Variants in TGFB3 observed in about 807,000 individuals in gnomAD.
The protein encoded by TGFB3 is transforming growth factor beta-3 proprotein.
A neutral mutation model predicts 40.1 loss-of-function variants in TGFB3; 5 were observed. That is an observed-to-expected ratio of 0.12 (90% confidence interval 0.07 to 0.26). The LOEUF is 0.26. TGFB3 is among the 10% of genes least tolerant of loss of function. The pLI, the probability that TGFB3 is intolerant of heterozygous loss-of-function variation, is 1.00. For missense variants in TGFB3, 373 were observed against 530.1 expected (o/e 0.70, Z 2.91); for synonymous variants, 184 against 205.6 (o/e 0.89, Z 0.90).
In TGFB3 at chr14:75,978,553, A is replaced by T. The variant is rs944427186; in HGVS notation, c.352+1989T>A. Among the ~76,000 whole-genome samples, 1 of 152,160 alleles carries T rather than the reference A, an allele frequency of 6.6e-6. No homozygotes were observed. Among genetic ancestry groups the T allele is most frequent in the African/African-American group, 2.4e-5 (1 of 41,426 alleles). On this transcript the variant is annotated intron_variant, in intron 1 of 6. Coordinates refer to ENST00000238682, the MANE Select transcript of TGFB3 (RefSeq NM_003239.5). The surrounding 1 kb of genome is among the most constrained non-coding windows in gnomAD (Gnocchi z 5.0). ...CATCGCACGTTGGCTCCTCCCCAGC[A>T]TCCTGAACAGCATCCTGCTCACTGT...
At chr14:75,976,563 A>G (rs1293216721) in intron 1 of TGFB3, among the ~76,000 whole-genome samples, 1 of 152,228 alleles carries the variant, frequency 6.6e-6, no homozygotes, top group Admixed American at 6.5e-5. Flanking sequence ...CATGTTAAAA[A>G]TTGGAACACT....
intron 4 of TGFB3, among the ~76,000 whole-genome samples, 156 bp from the exon 5 acceptor site, chr14:75,963,643 G>C (rs760882588): frequency 4.5e-4 from 68 of 152,158 alleles, no homozygotes; most frequent in Non-Finnish European, 7.5e-4. Context: ...CTGATGTCCA[G>C]GTGCAGAAAG....
intron 1 of TGFB3, among the ~76,000 whole-genome samples, chr14:75,972,787 T>C (rs909670220): frequency 4.6e-5 from 7 of 152,178 alleles, no homozygotes; most frequent in African/African-American, 1.7e-4. Flanking sequence ...TCACTGAAAG[T>C]GTTTGAGCAG....
chr14:75,962,210 C>G (rs192184216), intron 5 of TGFB3, among the ~76,000 whole-genome samples: 4 of 152,290 alleles, frequency 2.6e-5, no homozygotes, highest in African/African-American at 9.6e-5. Context: ...CTCTTGTGAA[C>G]AAGAAATCAC....
intron 1 of TGFB3, among the ~76,000 whole-genome samples, chr14:75,972,060 A>G (rs367801905): frequency 3.3e-5 from 5 of 152,234 alleles, no homozygotes; most frequent in African/African-American, 1.2e-4. Context: ...TTCTAGAAAG[A>G]TATCAGCACC....
chr14:75,972,508 G>A (rs1235307019), intron 1 of TGFB3, among the ~76,000 whole-genome samples: 16 of 152,220 alleles, frequency 1.1e-4, no homozygotes, highest in Admixed American at 6.5e-5. Flanking sequence ...TTTCAGAGAA[G>A]TCCAGGAGTT....
At chr14:75,960,839 C>T in intron 6 of TGFB3, 84 bp downstream of exon 6, 3 of 1,583,618 alleles carry the variant, frequency 1.9e-6, no homozygotes, top group Non-Finnish European at 2.6e-6. Context: ...GCTCACTCAA[C>T]ATTCAATCCT....
In TGFB3 at chr14:75,971,864, A is replaced by G. The variant is rs2035298858; in HGVS notation, c.353-146T>C. Reference sequence around the variant, plus strand: ...CCTCAGACCGCAAGGTGGAGATACGAGGAAGATTCTTGGTGGCCCTAGAAT... The same window carrying G: ...CCTCAGACCGCAAGGTGGAGATACGGGGAAGATTCTTGGTGGCCCTAGAAT... On this transcript the variant is annotated intron_variant, in intron 1 of 6. Transcript: ENST00000238682. This position sits in a 1 kb window ranked among gnomAD's most constrained non-coding sequence, Gnocchi z 4.5. The G allele has an allele frequency of 1.2e-6, 1 of 828,560 alleles. No individual in the cohort carries two copies. The allele number at this position is 828,560 out of a possible 1,614,324, so 51.3% of individuals were successfully genotyped here. A position where few individuals can be genotyped will look rare whatever the true frequency, so the allele number is the denominator to read the frequency against.
chr14:75,966,862 A>G (rs529469338), intron 3 of TGFB3: 6 of 152,420 alleles, frequency 3.9e-5, no homozygotes, highest in Non-Finnish European at 7.3e-5. Flanking sequence ...TATCATGTCA[A>G]TTCTGGTGGG....
intron 1 of TGFB3, among the ~76,000 whole-genome samples, chr14:75,972,222 C>A (rs1281353915): frequency 6.6e-6 from 1 of 152,174 alleles, no homozygotes; most frequent in Non-Finnish European, 1.5e-5. Flanking sequence ...ACAACCCCTG[C>A]CTTCAAGGGG....
rs3917150 is a variant in TGFB3, at chr14:75,979,854, G to C, written c.352+688C>G. Among the ~76,000 whole-genome samples the C allele has an allele frequency of 6.6e-6, 1 of 152,174 alleles. No individual in the cohort carries two copies. Among genetic ancestry groups the C allele is most frequent in the East Asian group, 1.9e-4 (1 of 5,178 alleles). ...GCGCCCATTTTGAGCACATGAATCT[G>C]TCTACTGCACAAGACTGCATGTCAC... On this transcript the variant is annotated intron_variant, in intron 1 of 6. Coordinates refer to ENST00000238682, the MANE Select transcript of TGFB3 (RefSeq NM_003239.5). This position sits in a 1 kb window ranked among gnomAD's most constrained non-coding sequence, Gnocchi z 4.8.
intron 4 of TGFB3, among the ~76,000 whole-genome samples, chr14:75,965,340 TAC>T (rs1341795989): frequency 6.6e-6 from 1 of 152,256 alleles, no homozygotes; most frequent in African/African-American, 2.4e-5. Context: ...ATGGCTTGCC[TAC>T]ACAGTTTCAC....
chr14:75,961,107 C>T (rs752931875), intron 5 of TGFB3, 31 bp from the exon 6 acceptor site: 3 of 1,613,322 alleles, frequency 1.9e-6, no homozygotes, highest in Non-Finnish European at 2.5e-6. Flanking sequence ...AGAAAATCAA[C>T]TTAAAACCAC....
intron 1 of TGFB3, among the ~76,000 whole-genome samples, chr14:75,976,249 T>TA (rs1243447685): frequency 6.6e-6 from 1 of 152,180 alleles, no homozygotes; most frequent in Non-Finnish European, 1.5e-5. Flanking sequence ...TGGAAAGCTT[T>TA]AAAAACAAAT....
chr14:75,959,167 T>C lies in TGFB3; in HGVS notation c.*20A>G. 1 of 1,614,038 alleles carries C rather than the reference T, an allele frequency of 6.2e-7. No homozygotes were observed. Among genetic ancestry groups the C allele is most frequent in the Non-Finnish European group, 8.5e-7 (1 of 1,179,956 alleles). On this transcript the variant is annotated 3_prime_UTR_variant, in exon 7 of 7. Transcript: ENST00000238682. ...GGCAGTGGTGGTTCTCTCTCCCCTC[T>C]CTCTGTCGCACGTGGGGTCTCAGCT...
Position 75,978,011 on chromosome 14 carries a change from T to C in TGFB3, c.352+2531A>G, listed in dbSNP as rs1161306125. Among the ~76,000 whole-genome samples, 1 of 152,128 alleles carries C rather than the reference T, an allele frequency of 6.6e-6. No homozygotes were observed. The highest frequency in any genetic ancestry group is 1.9e-4 in the East Asian group (1 of 5,184). On this transcript the variant is annotated intron_variant, in intron 1 of 6. Transcript: ENST00000238682. The surrounding 1 kb of genome is among the most constrained non-coding windows in gnomAD (Gnocchi z 5.0). ...AAGGTTATTTAGGAAAAGGCCTTCC[T>C]CTCTGCTCTCACCTTGGTGCCCTTT...
chr14:75,982,629 A>C (rs2035449862), upstream of TGFB3, among the ~76,000 whole-genome samples: 1 of 129,810 alleles, frequency 7.7e-6, no homozygotes, highest in Non-Finnish European at 1.6e-5. This position sits in a 1 kb window ranked among gnomAD's most constrained non-coding sequence, Gnocchi z 4.0. Flanking sequence ...CGAGGCCGCC[A>C]GTGAAGGAGC....
chr14:75,979,786 C>A lies in TGFB3; in HGVS notation c.352+756G>T, dbSNP rs2140253261. 6.6e-6 allele frequency among the ~76,000 whole-genome samples: 1 copy of A among 151,648 alleles called. No homozygotes were observed. Among genetic ancestry groups the A allele is most frequent in the Non-Finnish European group, 1.5e-5 (1 of 67,896 alleles). On this transcript the variant is annotated intron_variant, in intron 1 of 6. Transcript: ENST00000238682. This position sits in a 1 kb window ranked among gnomAD's most constrained non-coding sequence, Gnocchi z 4.8. ...AAGGGCGCCAGCCTCCTCTACGCAT[C>A]CACAGCCAAAACCCGCTCTCCCCGT...
rs1182807252 is a variant in TGFB3 at position 75,958,185 on chromosome 14, C to T, written c.*1002G>A. 6.6e-6 allele frequency: 1 copy of T among 152,634 alleles called. No homozygotes were observed. The highest frequency in any genetic ancestry group is 1.5e-5 in the Non-Finnish European group (1 of 68,034). 9.5% of individuals were successfully genotyped at this position (152,634 alleles called of 1,614,324 possible). On this transcript the variant is annotated 3_prime_UTR_variant, in exon 7 of 7. Coordinates refer to ENST00000238682, the MANE Select transcript of TGFB3 (RefSeq NM_003239.5). ...GATGCCCCAAAAATATTTATTTATA[C>T]AAAGATTTTGAGAGTAATATTCATA...
Sources: allele counts gnomAD v4.1 joint callset (sites outside exome capture counted in the v4.1 genomes callset), GRCh38; gene constraint gnomAD v4.1.1; non-coding constraint Gnocchi (gnomAD v3.1); transcripts MANE v1.5; gene names NCBI Gene and HGNC (gene_info 2026-07-23, HGNC 2026-07-21).